SUGCT: variants seen among roughly 807,000 people sequenced by gnomAD.
The protein encoded by SUGCT is succinyl-CoA:glutarate CoA-transferase.
A neutral mutation model predicts 55.0 loss-of-function variants in SUGCT; 41 were observed. The observed-to-expected ratio is 0.74, with a 90% CI of 0.58 to 0.97. SUGCT has a LOEUF of 0.97. Among genes scored for constraint, SUGCT ranks in the 50% least tolerant of loss-of-function variants. SUGCT has a pLI of 0.00. For missense variants in SUGCT, 568 were observed against 547.8 expected, an observed-to-expected ratio of 1.04 and a Z score of -0.37; for synonymous variants, 187 against 200.4, an observed-to-expected ratio of 0.93 and a Z score of 0.56.
chr7:40,794,589 A>G (rs1563008775), intron 13 of SUGCT, among the ~76,000 whole-genome samples: 1 of 152,124 alleles, frequency 6.6e-6, no homozygotes, highest in African/African-American at 2.4e-5. Flanking sequence ...TACCACAGCT[A>G]TAAGTCAGAA....
intron 12 of SUGCT, among the ~76,000 whole-genome samples, chr7:40,558,279 A>G (rs1321673126): frequency 6.6e-6 from 1 of 152,212 alleles, no homozygotes; most frequent in African/African-American, 2.4e-5. Flanking sequence ...AATTACTCCC[A>G]GAAGAATTGA....
At chr7:40,302,289 C>T (rs6944733) in intron 8 of SUGCT, among the ~76,000 whole-genome samples, 10,211 of 152,156 alleles carry the variant, frequency 0.067, 699 homozygotes, top group African/African-American at 0.17. Flanking sequence ...TTTGTCCCCT[C>T]CTTGGTTGAC....
chr7:40,961,626 G>A, the SUGCT span, among the ~76,000 whole-genome samples: 37 of 152,120 alleles, frequency 2.4e-4, no homozygotes, highest in African/African-American at 8.2e-4. Flanking sequence ...TCTTGGTCTC[G>A]CTGACCTCAA....
At position 40,135,119 on chromosome 7, in the gene SUGCT, A is replaced by C. The variant is rs1562785210; in HGVS notation, c.99A>C (p.Ser33=). ...GGCTGTGGACTGGCCGCCCGCAGTC[A>C]GGTACCCTCCGAGATTCGGTCTGGG... ...GRGLWTGRPQ[S]DMNNIKPLEG... is the part of the protein sequence containing the mutation. The change falls in exon 1 of 14, where the codon TCA becomes TCC. Residue 33 remains serine (S), a splice_region_variant and synonymous_variant. Coordinates refer to ENST00000335693, the MANE Select transcript of SUGCT (RefSeq NM_001193313.2). The C allele has an allele frequency of 6.4e-7, 1 of 1,552,180 alleles. No individual in the cohort carries two copies. The highest frequency in any genetic ancestry group is 1.9e-5 in the Admixed American group (1 of 51,536).
At chr7:41,036,034 A>G in the SUGCT span, among the ~76,000 whole-genome samples, 1 of 152,214 alleles carries the variant, frequency 6.6e-6, no homozygotes, top group African/African-American at 2.4e-5. Context: ...TGTTCAAGTG[A>G]CAGTTTCCTC....
intron 13 of SUGCT, among the ~76,000 whole-genome samples, chr7:40,769,298 G>T (rs1317121249): frequency 6.6e-6 from 1 of 152,122 alleles, no homozygotes; most frequent in Non-Finnish European, 1.5e-5. Flanking sequence ...TTCCTAATCC[G>T]GGATTTTTAC....
At position 40,514,642 on chromosome 7, in the gene SUGCT, G is replaced by A. The variant is rs533067173; in HGVS notation, c.1089+18256G>A. On this transcript the variant is annotated intron_variant, in intron 12 of 13. Coordinates refer to ENST00000335693, the MANE Select transcript of SUGCT (RefSeq NM_001193313.2). ...GGAGAATAGCATGAACCCGGGAGGCGGAGGTTGCAGTGAGCCGAGATCGTG... is the reference window on the plus strand; with the variant it reads ...GGAGAATAGCATGAACCCGGGAGGCAGAGGTTGCAGTGAGCCGAGATCGTG... 3.8e-3 allele frequency among the ~76,000 whole-genome samples: 570 copies of A among 150,616 alleles called. 3 individuals are homozygous for A. Among genetic ancestry groups the A allele is most frequent in the African/African-American group, 0.013 (540 of 40,976 alleles).
intron 6 of SUGCT, among the ~76,000 whole-genome samples, chr7:40,231,501 G>A (rs1289158505): frequency 6.6e-6 from 1 of 152,230 alleles, no homozygotes; most frequent in African/African-American, 2.4e-5. Flanking sequence ...TGTTAGATTG[G>A]GTGGTAGAGA....
intron 12 of SUGCT, among the ~76,000 whole-genome samples, chr7:40,640,346 T>A (rs539110286): frequency 6.6e-6 from 1 of 152,330 alleles, no homozygotes; most frequent in East Asian, 1.9e-4. Context: ...ATATTTTGTA[T>A]TGTACTTTAT....
chr7:40,435,551 C>T (rs560339746), intron 9 of SUGCT, among the ~76,000 whole-genome samples: 20 of 152,244 alleles, frequency 1.3e-4, no homozygotes, highest in East Asian at 3.9e-4. Flanking sequence ...CTGTCTTAGA[C>T]GCTTAACTAA....
chr7:40,720,907 A>T (rs35421759), intron 12 of SUGCT, among the ~76,000 whole-genome samples: 28,386 of 152,136 alleles, frequency 0.19, 3,015 homozygotes, highest in Non-Finnish European at 0.24. Context: ...TTATATTTCT[A>T]GGTTCTACCT....
chr7:40,899,163 C>G, the SUGCT span, among the ~76,000 whole-genome samples: 1 of 152,196 alleles, frequency 6.6e-6, no homozygotes. Context: ...GCTTTGCTCC[C>G]TTAACTTGTG....
At chr7:40,790,304 G>T (rs1465643802) in intron 13 of SUGCT, among the ~76,000 whole-genome samples, 1 of 152,112 alleles carries the variant, frequency 6.6e-6, no homozygotes, top group East Asian at 1.9e-4. Flanking sequence ...CCTTGCTGCT[G>T]CCATGTGAAG....
intron 6 of SUGCT, among the ~76,000 whole-genome samples, chr7:40,222,705 G>T (rs1479709814): frequency 6.6e-6 from 1 of 152,150 alleles, no homozygotes; most frequent in African/African-American, 2.4e-5. Context: ...AGCTGGGTGT[G>T]GTGTGTGTGC....
the SUGCT span, among the ~76,000 whole-genome samples, chr7:40,993,299 T>C: frequency 6.6e-6 from 1 of 152,170 alleles, no homozygotes; most frequent in South Asian, 2.1e-4. Flanking sequence ...TTCAGTGTTC[T>C]GTGCACTGTG....
the SUGCT span, among the ~76,000 whole-genome samples, chr7:41,035,266 A>G: frequency 1.3e-5 from 2 of 152,218 alleles, no homozygotes; most frequent in East Asian, 1.9e-4. Context: ...AATAAGATGA[A>G]TAGCAGGTGG....
At chr7:40,905,967 TTCCGCC>T in the SUGCT span, among the ~76,000 whole-genome samples, 1 of 152,206 alleles carries the variant, frequency 6.6e-6, no homozygotes, top group South Asian at 2.1e-4. Flanking sequence ...ATCTTTGCAC[TTCCGCC>T]TTGGCCTCCC....
chr7:40,434,924 A>G (rs1583668581), intron 9 of SUGCT, among the ~76,000 whole-genome samples: 1 of 151,936 alleles, frequency 6.6e-6, no homozygotes, highest in South Asian at 2.1e-4. Flanking sequence ...TGAGAATTTC[A>G]CCTGCTGCTG....
At chr7:40,908,504 AAC>A in the SUGCT span, among the ~76,000 whole-genome samples, 5 of 152,154 alleles carry the variant, frequency 3.3e-5, no homozygotes, top group South Asian at 2.1e-4. Flanking sequence ...TAAAATTAAT[AAC>A]ACACAATGTT....
Sources: allele counts gnomAD v4.1 joint callset (sites outside exome capture counted in the v4.1 genomes callset), GRCh38; gene constraint gnomAD v4.1.1; transcripts MANE v1.5; gene names NCBI Gene and HGNC (gene_info 2026-07-23, HGNC 2026-07-21).